Variants in SGCD observed in about 807,000 individuals in gnomAD.
SGCD encodes delta-sarcoglycan.
In SGCD, 18 loss-of-function variants were observed where a neutral mutation model predicts 36.6. That is an observed-to-expected ratio of 0.49 (90% CI 0.34 to 0.73). The LOEUF is 0.73. Ranked by LOEUF, SGCD falls within the 30% of genes least tolerant of loss-of-function variation. The probability of loss-of-function intolerance (pLI) is 0.01; values close to 1 mark genes in which losing one functional copy is unlikely to be tolerated. For synonymous variants in SGCD, 133 were observed against 130.6 expected, an observed-to-expected ratio of 1.02 and a Z score of -0.12; for missense variants, 387 against 346.7, an observed-to-expected ratio of 1.12 and a Z score of -0.92.
At chr5:156,756,806 C>T (rs1757351812) in intron 7 of SGCD, among the ~76,000 whole-genome samples, 1 of 152,008 alleles carries the variant, frequency 6.6e-6, no homozygotes, top group South Asian at 2.1e-4. Flanking sequence ...AACATGTTTT[C>T]CTTATGCTGT....
chr5:156,134,770 A>T (rs1036240164), intron 3 of SGCD, among the ~76,000 whole-genome samples: 2 of 152,102 alleles, frequency 1.3e-5, no homozygotes, highest in Non-Finnish European at 2.9e-5. Flanking sequence ...GGTGCAGCAC[A>T]CCAACATGGC....
At chr5:156,172,786 A>T (rs1239946012) in intron 3 of SGCD, among the ~76,000 whole-genome samples, 1 of 152,012 alleles carries the variant, frequency 6.6e-6, no homozygotes, top group African/African-American at 2.4e-5. Flanking sequence ...CTTGTAAGAG[A>T]ATTTTATCAT....
intron 3 of SGCD, among the ~76,000 whole-genome samples, chr5:156,346,773 C>T (rs1414939959): frequency 8.1e-6 from 1 of 123,696 alleles, no homozygotes; most frequent in Admixed American, 8.4e-5. Flanking sequence ...TCAACTTGGG[C>T]TTTACTTTAT....
rs727504584 is a variant in SGCD, at chr5:156,594,921, A to G, written c.383-11A>G. The G allele has an allele frequency of 2.5e-6, 4 of 1,571,018 alleles. No homozygotes were observed. The highest frequency in any genetic ancestry group is 1.4e-5 in the African/African-American group (1 of 74,048). On this transcript the variant is annotated splice_polypyrimidine_tract_variant and intron_variant, in intron 5 of 8. Coordinates refer to ENST00000337851, the MANE Select transcript of SGCD (RefSeq NM_000337.6). ...CTCCTCTCTATCTCTCTATCTCTCT[A>G]TATCTCTCAGGTCCAAAAGCCGTAG... is the stretch of plus-strand genomic sequence containing the variant.
chr5:156,488,124 T>TTTTA lies in SGCD; in HGVS notation c.193-20477_193-20476insTTTA, dbSNP rs1429861317. ...TTTTTTTTTTTTTTTTTTTTTTTTT[T>TTTTA]AAATAACCCAGTTAGACAAAAAATA... On this transcript the variant is annotated intron_variant, in intron 3 of 8. Coordinates refer to ENST00000337851, the MANE Select transcript of SGCD (RefSeq NM_000337.6). Among the ~76,000 whole-genome samples, 237 of 130,596 alleles carry TTTTA rather than the reference T, an allele frequency of 1.8e-3. 6 individuals are homozygous for TTTTA. The East Asian group carries it at 0.032, about 18-fold the overall frequency. The allele number at this position is 130,596 out of a possible 152,430, so 85.7% of individuals were successfully genotyped here.
chr5:155,852,038 T>C, the SGCD span, among the ~76,000 whole-genome samples: 9 of 152,332 alleles, frequency 5.9e-5, no homozygotes, highest in African/African-American at 2.2e-4. Flanking sequence ...TAGGAGCTCA[T>C]AGGATTAAAT....
intron 3 of SGCD, among the ~76,000 whole-genome samples, chr5:156,232,588 T>C (rs1325826682): frequency 6.6e-6 from 1 of 152,208 alleles, no homozygotes; most frequent in South Asian, 2.1e-4. Flanking sequence ...ATGGGCTGCA[T>C]TGTGACTGAT....
At chr5:156,232,243 T>C (rs1039438254) in intron 3 of SGCD, among the ~76,000 whole-genome samples, 4 of 152,212 alleles carry the variant, frequency 2.6e-5, no homozygotes, top group African/African-American at 9.6e-5. Flanking sequence ...TTTTTAAAAA[T>C]CCATAGTGAC....
At chr5:155,976,558 T>C (rs1347469313) in intron 1 of SGCD, among the ~76,000 whole-genome samples, 1 of 152,212 alleles carries the variant, frequency 6.6e-6, no homozygotes, top group Non-Finnish European at 1.5e-5. Context: ...CGTGGAGTCT[T>C]TCAAATAATC....
rs188519443 is a variant in SGCD, at chr5:155,939,994, C to T, written c.-282+69570C>T. ...GATTACAGGCACCCATCATCATGCCCGGCTAATTTTTGTATTTTTGTAGAG... is the reference window on the plus strand; with the variant it reads ...GATTACAGGCACCCATCATCATGCCTGGCTAATTTTTGTATTTTTGTAGAG... On this transcript the variant is annotated intron_variant, in intron 1 of 9. Transcript: ENST00000517913. Among the ~76,000 whole-genome samples the T allele has an allele frequency of 2.0e-3, 298 of 151,930 alleles. 3 individuals are homozygous for T. Among genetic ancestry groups the T allele is most frequent in the African/African-American group, 6.8e-3 (282 of 41,460 alleles).
chr5:156,075,411 G>T (rs74811809), intron 1 of SGCD, among the ~76,000 whole-genome samples: 31 of 152,280 alleles, frequency 2.0e-4, no homozygotes, highest in Non-Finnish European at 3.8e-4. Context: ...TACAAGGATA[G>T]ATTATGGGTA....
At chr5:155,877,910 G>T (rs900564145) in intron 1 of SGCD, among the ~76,000 whole-genome samples, 3 of 152,032 alleles carry the variant, frequency 2.0e-5, no homozygotes, top group African/African-American at 7.2e-5. Context: ...GTCAAACTCT[G>T]TCTCATACCA....
chr5:156,183,801 G>T (rs886429618), intron 3 of SGCD, among the ~76,000 whole-genome samples: 1 of 152,138 alleles, frequency 6.6e-6, no homozygotes, highest in Non-Finnish European at 1.5e-5. Flanking sequence ...AGTAAGTGGG[G>T]GTGGCAGAGT....
At position 156,558,088 on chromosome 5, in the gene SGCD, AATATATATATATATATATAT is replaced by A. The variant is rs67339181; in HGVS notation, c.295-31126_295-31107del. Among the ~76,000 whole-genome samples the A allele has an allele frequency of 0.019, 1,793 of 95,580 alleles. 118 individuals carry two copies. In the East Asian group the frequency reaches 0.2, roughly 11 times the overall value. 62.7% of individuals were successfully genotyped at this position (95,580 alleles called of 152,430 possible). A position where few individuals can be genotyped will look rare whatever the true frequency, so the allele number is the denominator to read the frequency against. On this transcript the variant is annotated intron_variant, in intron 4 of 8. Transcript: ENST00000337851. Reference sequence around the variant, plus strand: ...ACTGAGTGTGTTATTAGTAAATACAAATATATATATATATATATATATATATATATATATATTATTTAACT... The same window carrying A: ...ACTGAGTGTGTTATTAGTAAATACAAATATATATATATATATTATTTAACT...
intron 3 of SGCD, among the ~76,000 whole-genome samples, chr5:156,463,871 G>A (rs1399894598): frequency 6.6e-6 from 1 of 152,066 alleles, no homozygotes; most frequent in African/African-American, 2.4e-5. Flanking sequence ...CAGGAGGATT[G>A]CTTTAGCCCA....
chr5:156,418,017 A>G (rs764154519), intron 3 of SGCD, among the ~76,000 whole-genome samples: 1 of 152,202 alleles, frequency 6.6e-6, no homozygotes, highest in African/African-American at 2.4e-5. Flanking sequence ...CTTGTCAACC[A>G]TAAAAGGTAT....
chr5:156,309,662 G>A (rs940329739), intron 3 of SGCD, among the ~76,000 whole-genome samples: 5 of 145,824 alleles, frequency 3.4e-5, no homozygotes, highest in East Asian at 2.0e-4. Context: ...ATGCAGTGGC[G>A]TGATCTTGGC....
intron 1 of SGCD, among the ~76,000 whole-genome samples, chr5:156,070,925 G>A (rs1467093445): frequency 6.6e-6 from 1 of 152,168 alleles, no homozygotes; most frequent in Non-Finnish European, 1.5e-5. Flanking sequence ...GCATAGAGGT[G>A]TTTGTAGTAT....
At chr5:156,685,209 G>T (rs1025311194) in intron 7 of SGCD, among the ~76,000 whole-genome samples, 1 of 152,068 alleles carries the variant, frequency 6.6e-6, no homozygotes, top group Admixed American at 6.6e-5. Context: ...GGGGAGATGC[G>T]TCGCAGGGTA....
Sources: gnomAD v4.1 joint callset for allele counts (sites outside exome capture counted in the v4.1 genomes callset) on GRCh38, gnomAD v4.1.1 for gene constraint, MANE v1.5 for transcripts, NCBI Gene and HGNC (gene_info 2026-07-23, HGNC 2026-07-21) for gene names.